CACNB2: variants seen among roughly 807,000 people sequenced by gnomAD.
CACNB2 encodes calcium voltage-gated channel auxiliary subunit beta 2.
CACNB2 carries 42 observed loss-of-function variants against 73.3 expected under a neutral mutation model. That is an observed-to-expected ratio of 0.57 (90% CI 0.45 to 0.74). The LOEUF (loss-of-function observed/expected upper bound fraction) is 0.74, where lower values mean the gene tolerates loss of function less well. Among genes scored for constraint, CACNB2 ranks in the 30% least tolerant of loss-of-function variants. The probability of loss-of-function intolerance (pLI) is 0.00; values close to 1 mark genes in which losing one functional copy is unlikely to be tolerated. For missense variants in CACNB2, 940 were observed against 853.0 expected, an observed-to-expected ratio of 1.10 and a Z score of -1.27; for synonymous variants, 348 against 310.3, an observed-to-expected ratio of 1.12 and a Z score of -1.28.
intron 3 of CACNB2, among the ~76,000 whole-genome samples, chr10:18,488,676 C>G (rs888967553): frequency 1.9e-4 from 29 of 151,806 alleles, no homozygotes; most frequent in African/African-American, 6.8e-4. Context: ...TTTTGCCTTT[C>G]TTTATACCAA....
chr10:18,268,141 T>C (rs2037893426), intron 2 of CACNB2, among the ~76,000 whole-genome samples: 3 of 152,246 alleles, frequency 2.0e-5, no homozygotes, highest in Non-Finnish European at 2.9e-5. Context: ...GATGCCTTCA[T>C]TGTTTTAAAG....
At chr10:18,425,489 G>A (rs1054580380) in intron 3 of CACNB2, among the ~76,000 whole-genome samples, 2 of 149,698 alleles carry the variant, frequency 1.3e-5, no homozygotes, top group African/African-American at 5.0e-5. Context: ...CAATCTAACA[G>A]TACTTCGTTA....
chr10:18,401,227 G>A (rs1439696607), intron 2 of CACNB2: 7 of 1,103,956 alleles, frequency 6.3e-6, no homozygotes, highest in Non-Finnish European at 9.4e-6. Flanking sequence ...GGAGAGGGAA[G>A]CTAGGGAGAT....
At chr10:18,523,429 C>A (rs1463079039) in intron 9 of CACNB2, among the ~76,000 whole-genome samples, 2 of 152,132 alleles carry the variant, frequency 1.3e-5, no homozygotes, top group African/African-American at 2.4e-5. Context: ...GTATCAGCCA[C>A]CCAGATTGGT....
chr10:18,379,211 T>A (rs2042918731), intron 2 of CACNB2, among the ~76,000 whole-genome samples: 1 of 152,162 alleles, frequency 6.6e-6, no homozygotes, highest in Admixed American at 6.5e-5. Flanking sequence ...TATTTTTATT[T>A]ATTTATTTTT....
At chr10:18,488,334 G>A (rs1056674615) in intron 3 of CACNB2, among the ~76,000 whole-genome samples, 3 of 151,356 alleles carry the variant, frequency 2.0e-5, no homozygotes, top group Non-Finnish European at 4.4e-5. Context: ...AATTAGCCAG[G>A]CGTGGTGGCA....
intron 2 of CACNB2, among the ~76,000 whole-genome samples, chr10:18,239,037 GC>G (rs2036552296): frequency 6.6e-6 from 1 of 152,074 alleles, no homozygotes; most frequent in African/African-American, 2.4e-5. Flanking sequence ...TTTGAATCTT[GC>G]AAAAATCTTT....
rs1478993032 is a variant in CACNB2, at chr10:18,288,674, T to TACACACACACACACAC, written c.214-113249_214-113248insCACACACACACACACA. Among the ~76,000 whole-genome samples the TACACACACACACACAC allele has an allele frequency of 1.2e-4, 7 of 60,632 alleles. No individual in the cohort carries two copies. The East Asian group carries it at 1.8e-3, about 16-fold the overall frequency. 39.8% of individuals were successfully genotyped at this position (60,632 alleles called of 152,430 possible). A position where few individuals can be genotyped will look rare whatever the true frequency, so the allele number is the denominator to read the frequency against. On this transcript the variant is annotated intron_variant, in intron 2 of 13. Coordinates refer to ENST00000324631, the MANE Select transcript of CACNB2 (RefSeq NM_201596.3). ...ATAGCAAGATGCAGCAAATGAGATT[T>TACACACACACACACAC]ATACACACACACACACACACACACA...
intron 13 of CACNB2, 138 bp downstream of exon 13, chr10:18,538,503 T>C (rs1354579337): frequency 1.4e-6 from 1 of 721,976 alleles, no homozygotes. Flanking sequence ...AAGTCCAGCA[T>C]GAGCTGTGTA....
intron 2 of CACNB2, among the ~76,000 whole-genome samples, chr10:18,204,403 G>T (rs192108199): frequency 3.3e-4 from 50 of 152,346 alleles, no homozygotes; most frequent in African/African-American, 1.2e-3. Context: ...AACATTATTT[G>T]TAGATGTGAA....
intron 2 of CACNB2, among the ~76,000 whole-genome samples, chr10:18,307,568 T>C (rs1302618715): frequency 6.6e-6 from 1 of 152,246 alleles, no homozygotes; most frequent in Non-Finnish European, 1.5e-5. Context: ...AGGCAGACTA[T>C]ATTTTATCTA....
intron 2 of CACNB2, among the ~76,000 whole-genome samples, chr10:18,263,225 T>G (rs1458633657): frequency 6.6e-6 from 1 of 152,210 alleles, no homozygotes; most frequent in Non-Finnish European, 1.5e-5. Context: ...ATTTTTTTCC[T>G]TGAAGGAAAA....
At chr10:18,372,158 G>C (rs935770644) in intron 2 of CACNB2, among the ~76,000 whole-genome samples, 3 of 152,254 alleles carry the variant, frequency 2.0e-5, no homozygotes, top group East Asian at 3.9e-4. Context: ...TAGGTTGCCT[G>C]TTCACTCTGA....
Position 18,514,110 on chromosome 10 carries a change from C to T in CACNB2, c.671-126C>T, listed in dbSNP as rs899444181. The stretch of plus-strand genomic sequence containing the variant: ...CTTACCTTTAAATTTAATTTTCTTG[C>T]GTACTGTGTTGAGCACTCATGATAG... On this transcript the variant is annotated intron_variant, in intron 6 of 13. Transcript: ENST00000324631. The T allele has an allele frequency of 1.7e-4, 150 of 886,384 alleles. 3 individuals carry two copies. Among genetic ancestry groups the T allele is most frequent in the South Asian group, 1.6e-3 (114 of 69,172 alleles). The allele number at this position is 886,384 out of a possible 1,614,324, so 54.9% of individuals were successfully genotyped here.
At chr10:18,388,404 T>A (rs781260923) in intron 2 of CACNB2, among the ~76,000 whole-genome samples, 3 of 152,192 alleles carry the variant, frequency 2.0e-5, no homozygotes, top group Non-Finnish European at 2.9e-5. Context: ...TGTCTCTAGT[T>A]CTGAAATCAC....
intron 2 of CACNB2, among the ~76,000 whole-genome samples, chr10:18,310,546 G>A (rs1368517465): frequency 7.3e-6 from 1 of 137,476 alleles, no homozygotes; most frequent in Non-Finnish European, 1.5e-5. Flanking sequence ...CGGAGTTTGT[G>A]GTGAGCCAAG....
At chr10:18,357,677 C>T (rs1162741446) in intron 2 of CACNB2, among the ~76,000 whole-genome samples, 1 of 152,166 alleles carries the variant, frequency 6.6e-6, no homozygotes, top group Non-Finnish European at 1.5e-5. Context: ...ATTCTAGGTT[C>T]AGATAATTTT....
intron 2 of CACNB2, among the ~76,000 whole-genome samples, chr10:18,381,693 A>T (rs2043026547): frequency 6.6e-6 from 1 of 151,432 alleles, no homozygotes; most frequent in African/African-American, 2.4e-5. Context: ...CGTCTCAAAA[A>T]AAAAAAAAAA....
At chr10:18,242,209 T>A (rs571761243) in intron 2 of CACNB2, among the ~76,000 whole-genome samples, 1 of 151,996 alleles carries the variant, frequency 6.6e-6, no homozygotes, top group Non-Finnish European at 1.5e-5. Flanking sequence ...TTTCAATTTA[T>A]GTAATATATA....
Sources: gnomAD v4.1 joint callset for allele counts (sites outside exome capture counted in the v4.1 genomes callset) on GRCh38, gnomAD v4.1.1 for gene constraint, MANE v1.5 for transcripts, NCBI Gene and HGNC (gene_info 2026-07-23, HGNC 2026-07-21) for gene names.